MBNL1: variants seen among roughly 807,000 people sequenced by gnomAD.
The protein encoded by MBNL1 is muscleblind-like protein 1.
MBNL1 carries 8 observed loss-of-function variants against 42.2 expected under a neutral mutation model. The ratio of observed to expected loss-of-function variants is 0.19; its 90% CI spans 0.11 to 0.34. The LOEUF is 0.34. MBNL1 is among the 10% of genes least tolerant of loss of function. MBNL1 has a pLI of 1.00. For synonymous variants in MBNL1, 169 were observed against 173.9 expected (o/e 0.97, Z 0.22); for missense variants, 309 against 495.3 (o/e 0.62, Z 3.57).
At chr3:152,269,678 GGGCGGAAGA>G (rs1291661839) in intron 1 of MBNL1, 1 of 295,246 alleles carries the variant, frequency 3.4e-6, no homozygotes, top group Non-Finnish European at 6.9e-6. Context: ...CAAGTTTACA[GGGCGGAAGA>G]CGCCCTGTAG....
chr3:152,345,371 G>A (rs1196485894), intron 2 of MBNL1, among the ~76,000 whole-genome samples: 1 of 152,024 alleles, frequency 6.6e-6, no homozygotes, highest in Non-Finnish European at 1.5e-5. Context: ...AAATCAGTGG[G>A]ATCTCTCCCT....
chr3:152,408,398 T>G (rs2098485420), intron 2 of MBNL1, among the ~76,000 whole-genome samples: 1 of 152,122 alleles, frequency 6.6e-6, no homozygotes, highest in Non-Finnish European at 1.5e-5. Context: ...GGCTTTATTT[T>G]ATAGTGCTAT....
chr3:152,336,499 G>A (rs948297413), intron 2 of MBNL1, among the ~76,000 whole-genome samples: 29 of 152,258 alleles, frequency 1.9e-4, no homozygotes, highest in African/African-American at 7.0e-4. Flanking sequence ...TTTAGTTTAA[G>A]TCAAAATCTA....
chr3:152,278,285 A>G (rs1331762909), intron 1 of MBNL1, among the ~76,000 whole-genome samples: 1 of 152,098 alleles, frequency 6.6e-6, no homozygotes, highest in Non-Finnish European at 1.5e-5. Context: ...GCATTCAGAT[A>G]AGGCATTTGG....
In MBNL1 at chr3:152,308,237, G is replaced by C. The variant is rs368002074; in HGVS notation, c.174+7870G>C. On this transcript the variant is annotated intron_variant, in intron 2 of 9. Coordinates refer to ENST00000324210, the MANE Select transcript of MBNL1 (RefSeq NM_021038.5). ...ATTAAACCCAAGAGGCTCCATAGAA[G>C]TGTTATCTTATCATAAATCTTGAGA... is the stretch of plus-strand genomic sequence containing the variant. 6.0e-4 allele frequency among the ~76,000 whole-genome samples: 92 copies of C among 152,290 alleles called. No homozygotes were observed. The South Asian group carries it at 0.019, about 31-fold the overall frequency.
intron 2 of MBNL1, among the ~76,000 whole-genome samples, chr3:152,335,461 T>C (rs4472028): frequency 0.55 from 83,914 of 152,012 alleles, 23,510 homozygotes; most frequent in Middle Eastern, 0.64. Flanking sequence ...AATACTAATA[T>C]TGAAGTTTGT....
At chr3:152,454,072 T>A (rs1728839764) in intron 6 of MBNL1, among the ~76,000 whole-genome samples, 1 of 152,226 alleles carries the variant, frequency 6.6e-6, no homozygotes, top group African/African-American at 2.4e-5. Flanking sequence ...TATAACTTCT[T>A]TGTTATTACT....
intron 2 of MBNL1, among the ~76,000 whole-genome samples, chr3:152,317,584 T>A (rs1008101891): frequency 2.0e-5 from 3 of 152,126 alleles, no homozygotes; most frequent in Non-Finnish European, 4.4e-5. Flanking sequence ...CCTCTGAAAG[T>A]GTTGGGATTA....
intron 2 of MBNL1, among the ~76,000 whole-genome samples, chr3:152,321,751 T>G (rs1210301388): frequency 6.6e-6 from 1 of 152,074 alleles, no homozygotes; most frequent in African/African-American, 2.4e-5. Flanking sequence ...TTTTTTTTCC[T>G]CAGTAATTCT....
intron 2 of MBNL1, among the ~76,000 whole-genome samples, chr3:152,322,231 A>G (rs533102047): frequency 3.9e-5 from 6 of 152,208 alleles, no homozygotes; most frequent in African/African-American, 1.2e-4. Context: ...AGCCTAACAC[A>G]TTGTAGCCTT....
At chr3:152,280,604 CAG>C (rs2047877745) in intron 1 of MBNL1, among the ~76,000 whole-genome samples, 1 of 152,096 alleles carries the variant, frequency 6.6e-6, no homozygotes, top group South Asian at 2.1e-4. Context: ...TTTATGTTAA[CAG>C]AAAAGAAAAA....
intron 2 of MBNL1, among the ~76,000 whole-genome samples, chr3:152,412,977 A>G (rs2098624636): frequency 6.6e-6 from 1 of 152,290 alleles, no homozygotes; most frequent in South Asian, 2.1e-4. Flanking sequence ...TTGCAGCCAA[A>G]TTATTCTTTG....
intron 6 of MBNL1, among the ~76,000 whole-genome samples, chr3:152,452,768 C>A (rs1466124503): frequency 6.6e-6 from 1 of 152,176 alleles, no homozygotes; most frequent in Non-Finnish European, 1.5e-5. Context: ...CAGAATCACA[C>A]CTCTTGTCTC....
chr3:152,297,134 A>G (rs2058839541), intron 1 of MBNL1, among the ~76,000 whole-genome samples: 1 of 152,176 alleles, frequency 6.6e-6, no homozygotes, highest in Admixed American at 6.5e-5. Context: ...GAGAAGGAGT[A>G]AAGACATTGT....
Position 152,432,931 on chromosome 3 carries a change from CTAGTTGGTGTCTT to C in MBNL1, c.549+14_549+26del. The C allele has an allele frequency of 6.2e-7, 1 of 1,606,254 alleles. No homozygotes were observed. The highest frequency in any genetic ancestry group is 2.2e-5 in the East Asian group (1 of 44,690). ...ACAGACAGACTTGAGGTAGGAATGA[CTAGTTGGTGTCTT>C]TATATACTACATTCTAATTCTCAAA... On this transcript the variant is annotated intron_variant, in intron 4 of 9. Coordinates refer to ENST00000324210, the MANE Select transcript of MBNL1 (RefSeq NM_021038.5).
intron 2 of MBNL1, among the ~76,000 whole-genome samples, chr3:152,373,805 T>C (rs1339461558): frequency 6.6e-6 from 1 of 152,210 alleles, no homozygotes; most frequent in Non-Finnish European, 1.5e-5. Flanking sequence ...TTAGGTTGTT[T>C]GGGAGAAATG....
At position 152,447,644 on chromosome 3, in the gene MBNL1, C is replaced by T. The variant is rs1372623950; in HGVS notation, c.832C>T (p.Pro278Ser). 6.2e-7 allele frequency: 1 copy of T among 1,613,462 alleles called. No homozygotes were observed. Among genetic ancestry groups the T allele is most frequent in the Non-Finnish European group, 8.5e-7 (1 of 1,179,666 alleles). The change falls in exon 6 of 10, where the codon CCA (proline) becomes TCA (serine). Residue 278 changes from proline (P) to serine (S), a missense_variant. Pro to Ser is a moderately conservative substitution (Grantham distance 74). Transcript: ENST00000324210. ...AMGIPQAVLPPLPKRPALEKT... is the reference protein window; with the variant it reads ...AMGIPQAVLPSLPKRPALEKT... ...GGGAATTCCTCAAGCTGTACTTCCC[C>T]CATTACCAAAGAGGCCTGCTCTTGA...
intron 2 of MBNL1, among the ~76,000 whole-genome samples, chr3:152,328,124 T>A (rs2081611614): frequency 6.6e-6 from 1 of 152,142 alleles, no homozygotes; most frequent in African/African-American, 2.4e-5. Flanking sequence ...ATTTTAGGGA[T>A]GTCTTTATCT....
intron 2 of MBNL1, among the ~76,000 whole-genome samples, chr3:152,303,205 C>A (rs187628178): frequency 1.2e-3 from 180 of 152,032 alleles, no homozygotes; most frequent in Non-Finnish European, 2.2e-3. Context: ...AAGTCTGTAT[C>A]GTAATAAATC....
Sources: allele counts gnomAD v4.1 joint callset (sites outside exome capture counted in the v4.1 genomes callset), GRCh38; gene constraint gnomAD v4.1.1; transcripts MANE v1.5; gene names NCBI Gene and HGNC (gene_info 2026-07-23, HGNC 2026-07-21).